Variants in NRG1 observed in about 807,000 individuals in gnomAD.
NRG1 encodes pro-neuregulin-1, membrane-bound isoform.
NRG1 carries 18 observed loss-of-function variants against 63.8 expected under a neutral mutation model. That is an observed-to-expected ratio of 0.28 (90% CI 0.19 to 0.42). NRG1 has a LOEUF of 0.42. Among genes scored for constraint, NRG1 ranks in the 10% least tolerant of loss-of-function variants. NRG1 has a pLI of 1.00. For missense variants in NRG1, 762 were observed against 814.7 expected (o/e 0.94, Z 0.79); for synonymous variants, 302 against 301.3 (o/e 1.00, Z -0.02).
intron 1 of NRG1, among the ~76,000 whole-genome samples, chr8:31,874,935 C>T (rs879482265): frequency 6.6e-6 from 1 of 152,138 alleles, no homozygotes; most frequent in African/African-American, 2.4e-5. Context: ...ATCATATTTG[C>T]CCTTCTAGAT....
chr8:32,676,435 C>T (rs1027987538), intron 5 of NRG1, among the ~76,000 whole-genome samples: 2 of 152,126 alleles, frequency 1.3e-5, no homozygotes, highest in African/African-American at 4.8e-5. Flanking sequence ...AATTATGTTC[C>T]GTATTTCTCA....
chr8:32,099,447 C>G (rs914119939), intron 1 of NRG1: 1 of 152,286 alleles, frequency 6.6e-6, no homozygotes, highest in Non-Finnish European at 1.5e-5. Flanking sequence ...TGGTGACCAT[C>G]TAAGGAAGTT....
chr8:31,880,858 T>C (rs995310672), intron 1 of NRG1, among the ~76,000 whole-genome samples: 1 of 152,178 alleles, frequency 6.6e-6, no homozygotes, highest in Non-Finnish European at 1.5e-5. Flanking sequence ...TTTGACAGCA[T>C]AAATAATATT....
intron 1 of NRG1, among the ~76,000 whole-genome samples, chr8:32,054,855 C>G (rs890691393): frequency 2.5e-4 from 14 of 56,314 alleles, no homozygotes; most frequent in African/African-American, 9.7e-4. Context: ...AAGCAGATTT[C>G]TTTCTTTCTT....
intron 1 of NRG1, among the ~76,000 whole-genome samples, chr8:31,713,594 A>G (rs997565322): frequency 1.3e-5 from 2 of 152,136 alleles, no homozygotes; most frequent in Admixed American, 1.3e-4. Flanking sequence ...TTTTGCTTCT[A>G]TCAGACCTTT....
At chr8:32,394,115 A>T (rs778142022) in intron 1 of NRG1, among the ~76,000 whole-genome samples, 3 of 152,156 alleles carry the variant, frequency 2.0e-5, no homozygotes, top group Non-Finnish European at 2.9e-5. Context: ...TAACAGTAAC[A>T]CAGTGAGCAC....
rs139516174 is a variant in NRG1 at position 32,308,325 on chromosome 8, C to T, written c.38-287503C>T. Among the ~76,000 whole-genome samples the T allele has an allele frequency of 4.6e-5, 7 of 152,286 alleles. No homozygotes were observed. The East Asian group carries it at 7.7e-4, about 17-fold the overall frequency. Reference sequence around the variant, plus strand: ...TTTATTAAGGCATCCATATGAGCTGCCATGTGTTTGCTCTCTTTCATATAT... The same window carrying T: ...TTTATTAAGGCATCCATATGAGCTGTCATGTGTTTGCTCTCTTTCATATAT... On this transcript the variant is annotated intron_variant, in intron 1 of 10. Transcript: ENST00000519301.
At chr8:32,632,563 A>T (rs1345613381) in intron 5 of NRG1, among the ~76,000 whole-genome samples, 1 of 151,744 alleles carries the variant, frequency 6.6e-6, no homozygotes, top group Non-Finnish European at 1.5e-5. Flanking sequence ...AAAAAAAAAA[A>T]AAAATGGACA....
chr8:32,001,251 A>G (rs987642267), intron 1 of NRG1, among the ~76,000 whole-genome samples: 1 of 152,004 alleles, frequency 6.6e-6, no homozygotes, highest in Non-Finnish European at 1.5e-5. Flanking sequence ...CCAGTGGGAG[A>G]TAATTTAACC....
chr8:32,112,992 C>A (rs772239740), intron 1 of NRG1, among the ~76,000 whole-genome samples: 3 of 152,128 alleles, frequency 2.0e-5, no homozygotes, highest in Non-Finnish European at 4.4e-5. Context: ...AAAATTGGGA[C>A]CCTTTTGTTC....
chr8:32,166,741 T>A (rs781457570), intron 1 of NRG1, among the ~76,000 whole-genome samples: 1 of 152,174 alleles, frequency 6.6e-6, no homozygotes, highest in Non-Finnish European at 1.5e-5. Context: ...CCTTCCCCTA[T>A]GAAAAGTAGG....
chr8:32,010,609 C>T (rs148756991), intron 1 of NRG1, among the ~76,000 whole-genome samples: 1 of 152,098 alleles, frequency 6.6e-6, no homozygotes, highest in East Asian at 1.9e-4. Flanking sequence ...TTCTTTATTG[C>T]TTAAAGTGTC....
exon 12 of NRG1, chr8:32,764,051 G>C (rs757169523): frequency 1.2e-6 from 2 of 1,614,084 alleles, no homozygotes; most frequent in Non-Finnish European, 1.7e-6. Flanking sequence ...AGGATGAGGA[G>C]TATGAAACGA....
chr8:32,378,547 A>C (rs1182379430), intron 1 of NRG1, among the ~76,000 whole-genome samples: 5 of 152,196 alleles, frequency 3.3e-5, no homozygotes, highest in African/African-American at 1.2e-4. Flanking sequence ...TTTTTACAGG[A>C]AAGATCAAGG....
At chr8:32,313,051 G>A (rs956416645) in intron 1 of NRG1, among the ~76,000 whole-genome samples, 2 of 152,112 alleles carry the variant, frequency 1.3e-5, no homozygotes. Context: ...TACTCGGGAG[G>A]CTGAGGCAGG....
At chr8:31,698,915 G>A (rs530331476) in intron 1 of NRG1, among the ~76,000 whole-genome samples, 10 of 152,158 alleles carry the variant, frequency 6.6e-5, no homozygotes, top group Non-Finnish European at 1.5e-4. Flanking sequence ...GAACACAAAA[G>A]ATGCTGTGAA....
At chr8:31,652,229 C>G (rs898988646) in intron 1 of NRG1, among the ~76,000 whole-genome samples, 3 of 152,232 alleles carry the variant, frequency 2.0e-5, no homozygotes, top group African/African-American at 7.2e-5. Context: ...CCACATCCCA[C>G]TGATTCTACG....
chr8:32,748,279 G>C (rs77488990), intron 7 of NRG1, among the ~76,000 whole-genome samples: 7,880 of 150,998 alleles, frequency 0.052, 258 homozygotes, highest in Middle Eastern at 0.1. Context: ...TTGATATGCT[G>C]TCTCTCCTTC....
intron 1 of NRG1, among the ~76,000 whole-genome samples, chr8:32,309,706 C>T (rs374969783): frequency 1.3e-5 from 2 of 151,828 alleles, no homozygotes; most frequent in South Asian, 2.1e-4. Context: ...GATATTGTTG[C>T]ATCATTTCTG....
Sources: allele counts gnomAD v4.1 joint callset (sites outside exome capture counted in the v4.1 genomes callset), GRCh38; gene constraint gnomAD v4.1.1; transcripts MANE v1.5; gene names NCBI Gene and HGNC (gene_info 2026-07-23, HGNC 2026-07-21).